TBATA: variants seen among roughly 807,000 people sequenced by gnomAD.
TBATA encodes the protein thymus, brain and testes associated.
Under a neutral mutation model 38.7 loss-of-function variants are expected in TBATA, and 47 were observed. The ratio of observed to expected loss-of-function variants is 1.21; its 90% CI spans 0.96 to 1.55. TBATA has a LOEUF of 1.55. Ranked by LOEUF, TBATA falls within the 40% of genes most tolerant of loss-of-function variation. TBATA has a pLI of 0.00. For synonymous variants in TBATA, 183 were observed against 170.5 expected, an observed-to-expected ratio of 1.07 and a Z score of -0.57; for missense variants, 436 against 435.6, an observed-to-expected ratio of 1.00 and a Z score of -0.01.
intron 4 of TBATA, 91 bp downstream of exon 4, chr10:70,781,710 G>A: frequency 2.4e-6 from 3 of 1,266,876 alleles, no homozygotes; most frequent in South Asian, 1.4e-5. Context: ...GCCCCAGCCT[G>A]GAAATGGGCT....
rs779998265 is a variant in TBATA at position 70,781,953 on chromosome 10, A to G, written c.125T>C (p.Val42Ala). 7 of 1,614,098 alleles carry G rather than the reference A, an allele frequency of 4.3e-6. No individual in the cohort carries two copies. Among genetic ancestry groups the G allele is most frequent in the African/African-American group, 1.3e-5 (1 of 74,930 alleles). Residue 42 changes from valine to alanine, a missense_variant, in exon 4 of 11, where the codon GTG becomes GCG. Val to Ala is a moderately conservative substitution (Grantham distance 64). Coordinates refer to ENST00000456372, the MANE Select transcript of TBATA (RefSeq NM_001318241.2). ...PRDSGPQKEL[V>A]IPGIVDFERI... Reference sequence around the variant, plus strand: ...CTCGAAATCCACAATCCCTGGGATCACCAGTTCTTTCTGTGGCCCACTGTC... The same window carrying G: ...CTCGAAATCCACAATCCCTGGGATCGCCAGTTCTTTCTGTGGCCCACTGTC...
chr10:70,774,375 G>A lies in TBATA; in HGVS notation c.776-18C>T. 2.5e-6 allele frequency: 4 copies of A among 1,572,104 alleles called. No individual in the cohort carries two copies. The highest frequency in any genetic ancestry group is 1.2e-5 in the South Asian group (1 of 85,750). On this transcript the variant is annotated intron_variant, in intron 8 of 10. Coordinates refer to ENST00000456372, the MANE Select transcript of TBATA (RefSeq NM_001318241.2). ...GTCTTTTTCTGAAAGCACAGCCCGG[G>A]GGCAGTGTCCTCAGCCCCCAGCCCC...
Position 70,779,667 on chromosome 10 carries a change from C to T in TBATA, c.353G>A (p.Cys118Tyr), listed in dbSNP as rs200717704. The T allele has an allele frequency of 2.1e-4, 328 of 1,533,930 alleles. No individual in the cohort carries two copies. Among genetic ancestry groups the T allele is most frequent in the Non-Finnish European group, 2.7e-4 (312 of 1,150,790 alleles). Residue 118 changes from cysteine to tyrosine, a missense_variant, in exon 5 of 11, where the codon TGT (cysteine) becomes TAT (tyrosine). Cys to Tyr is a radical substitution (Grantham distance 194). Coordinates refer to ENST00000456372, the MANE Select transcript of TBATA (RefSeq NM_001318241.2). Reference protein sequence around the residue: ...PLPESTVFSGCQMGIPTISVP... With the variant: ...PLPESTVFSGYQMGIPTISVP... Reference sequence around the variant, plus strand: ...AGAGATGGTGGGTATCCCCATTTGACAGCCGGAAAAGACAGTTGACTCAGG... The same window carrying T: ...AGAGATGGTGGGTATCCCCATTTGATAGCCGGAAAAGACAGTTGACTCAGG...
At chr10:70,775,138 C>G (rs1423046605) in intron 8 of TBATA, 51 bp downstream of exon 8, 1 of 1,545,192 alleles carries the variant, frequency 6.5e-7, no homozygotes, top group Admixed American at 1.7e-5. Context: ...AGATCAAGGG[C>G]AGGACCTTGG....
chr10:70,775,993 G>T (rs1843341691), intron 7 of TBATA, among the ~76,000 whole-genome samples: 1 of 152,226 alleles, frequency 6.6e-6, no homozygotes, highest in African/African-American at 2.4e-5. Flanking sequence ...CTGTGTCTGG[G>T]ATGGGCTATG....
At chr10:70,775,052 A>G in intron 8 of TBATA, 137 bp downstream of exon 8, 1 of 706,002 alleles carries the variant, frequency 1.4e-6, no homozygotes, top group Non-Finnish European at 2.3e-6. Flanking sequence ...TTGGGGCTCC[A>G]AAGTGGAGGA....
Position 70,779,615 on chromosome 10 carries a change from A to G in TBATA, c.405T>C (p.Asn135=). The G allele has an allele frequency of 6.6e-7, 1 of 1,518,860 alleles. No homozygotes were observed. The highest frequency in any genetic ancestry group is 1.3e-5 in the South Asian group (1 of 77,184). 94.1% of individuals were successfully genotyped at this position (1,518,860 alleles called of 1,614,324 possible). ...ISVPIGDPQS[N]RNPQLSSEAW... Reference sequence around the variant, plus strand: ...CACCAGAAGAAAGCTGGGGGTTCCGATTAGACTGTGGGTCTCCAATGGGGA... The same window carrying G: ...CACCAGAAGAAAGCTGGGGGTTCCGGTTAGACTGTGGGTCTCCAATGGGGA... The change falls in exon 5 of 11, where the codon AAT becomes AAC. Residue 135 remains asparagine (N), a synonymous_variant. Transcript: ENST00000456372.
At position 70,777,525 on chromosome 10, in the gene TBATA, C is replaced by T. The variant is rs984741847; in HGVS notation, c.508-187G>A. 4.3e-4 allele frequency among the ~76,000 whole-genome samples: 66 copies of T among 152,250 alleles called. 1 individual carries two copies. Among genetic ancestry groups the T allele is most frequent in the African/African-American group, 1.5e-3 (64 of 41,558 alleles). On this transcript the variant is annotated intron_variant, in intron 6 of 10. Transcript: ENST00000456372. ...TGCCACCCCCCCAACCTCACCTGCC[C>T]TAGACCCCTCCTTGGGCATCCCCGG...
chr10:70,773,927 A>G (rs2132823842), intron 9 of TBATA, among the ~76,000 whole-genome samples: 1 of 152,360 alleles, frequency 6.6e-6, no homozygotes, highest in Admixed American at 6.5e-5. Context: ...GAGCTTCTGA[A>G]GAGTTAGGTG....
intron 8 of TBATA, 98 bp downstream of exon 8, chr10:70,775,091 G>T: frequency 3.4e-6 from 4 of 1,182,062 alleles, no homozygotes; most frequent in Non-Finnish European, 2.5e-6. Context: ...CCCCTCCAGG[G>T]TGGGAGCTGA....
chr10:70,782,421 C>T (rs1589421304), intron 3 of TBATA: 1 of 1,299,170 alleles, frequency 7.7e-7, no homozygotes, highest in Non-Finnish European at 1.0e-6. Context: ...GGGATGGTCT[C>T]AACAGGGGCC....
chr10:70,779,094 C>A (rs1843796120), intron 5 of TBATA, among the ~76,000 whole-genome samples: 2 of 152,190 alleles, frequency 1.3e-5, no homozygotes, highest in Non-Finnish European at 2.9e-5. Context: ...GTCTCTCTGC[C>A]CTGCACTGGC....
intron 4 of TBATA, among the ~76,000 whole-genome samples, chr10:70,781,082 C>T (rs571531457): frequency 2.8e-4 from 42 of 152,298 alleles, no homozygotes; most frequent in African/African-American, 8.2e-4. Context: ...ATGCCTTCTC[C>T]GTTCTCCTCT....
chr10:70,771,625 T>C (rs1842801054), intron 10 of TBATA, among the ~76,000 whole-genome samples, 164 bp from the exon 11 acceptor site: 1 of 152,206 alleles, frequency 6.6e-6, no homozygotes, highest in Non-Finnish European at 1.5e-5. Flanking sequence ...CTGAGAGGAA[T>C]GGAGCGAATG....
chr10:70,777,041 G>T, intron 7 of TBATA, 112 bp downstream of exon 7: 1 of 1,221,270 alleles, frequency 8.2e-7, no homozygotes, highest in Non-Finnish European at 1.1e-6. Flanking sequence ...GGAGTTTTCT[G>T]TTCTTAACAG....
intron 6 of TBATA, 145 bp from the exon 7 acceptor site, chr10:70,777,483 A>G (rs967720840): frequency 2.4e-5 from 18 of 754,522 alleles, no homozygotes; most frequent in Non-Finnish European, 3.6e-5. Flanking sequence ...CCAGGGTCCC[A>G]GGGTATCATC....
At chr10:70,774,482 G>A in intron 8 of TBATA, 125 bp from the exon 9 acceptor site, 1 of 913,022 alleles carries the variant, frequency 1.1e-6, no homozygotes. Context: ...CTGCCCTCAG[G>A]TCCCCTCGGG....
chr10:70,778,507 A>G (rs2132906623), intron 6 of TBATA, 50 bp downstream of exon 6: 1 of 1,564,654 alleles, frequency 6.4e-7, no homozygotes, highest in Non-Finnish European at 8.8e-7. Context: ...TTACACAGGG[A>G]AGGATCCGTT....
intron 7 of TBATA, chr10:70,776,470 C>T (rs973330869): frequency 5.8e-5 from 26 of 451,582 alleles, no homozygotes; most frequent in South Asian, 2.3e-4. Flanking sequence ...GGCAGGGCCT[C>T]GGCCTCCCCA....
Sources: gnomAD v4.1 joint callset for allele counts (sites outside exome capture counted in the v4.1 genomes callset) on GRCh38, gnomAD v4.1.1 for gene constraint, MANE v1.5 for transcripts, NCBI Gene and HGNC (gene_info 2026-07-23, HGNC 2026-07-21) for gene names.